ROBO2: variants seen among roughly 807,000 people sequenced by gnomAD.
ROBO2 encodes roundabout guidance receptor 2.
In ROBO2, 53 loss-of-function variants were observed where a neutral mutation model predicts 160.8. The observed-to-expected ratio is 0.33, with a 90% CI of 0.26 to 0.41. ROBO2 has a LOEUF of 0.41. Ranked by LOEUF, ROBO2 falls within the 10% of genes least tolerant of loss-of-function variation. The pLI, the probability that ROBO2 is intolerant of heterozygous loss-of-function variation, is 1.00. For missense variants in ROBO2, 1,577 were observed against 1,722.4 expected, an observed-to-expected ratio of 0.92 and a Z score of 1.49; for synonymous variants, 664 against 611.7, an observed-to-expected ratio of 1.09 and a Z score of -1.26.
At chr3:76,302,588 T>A (rs1709417367) in intron 2 of ROBO2, among the ~76,000 whole-genome samples, 2 of 152,104 alleles carry the variant, frequency 1.3e-5, no homozygotes, top group African/African-American at 4.8e-5. Context: ...CATAAAATCT[T>A]AATACCATAT....
chr3:76,019,947 T>C (rs2066524501), intron 2 of ROBO2, among the ~76,000 whole-genome samples: 1 of 151,878 alleles, frequency 6.6e-6, no homozygotes, highest in South Asian at 2.1e-4. Flanking sequence ...TTCCTTGGAA[T>C]TGGCTAATAT....
chr3:77,494,875 A>G (rs2086592867), intron 5 of ROBO2, among the ~76,000 whole-genome samples: 1 of 152,240 alleles, frequency 6.6e-6, no homozygotes, highest in African/African-American at 2.4e-5. Context: ...GAATAAAACA[A>G]GTGAAAACAT....
intron 2 of ROBO2, among the ~76,000 whole-genome samples, chr3:76,969,635 T>G (rs2059474625): frequency 6.6e-6 from 1 of 152,216 alleles, no homozygotes; most frequent in African/African-American, 2.4e-5. Flanking sequence ...TCTCTCTTGA[T>G]TTCTACCCCT....
intron 21 of ROBO2, among the ~76,000 whole-genome samples, chr3:77,610,607 A>G (rs1182190984): frequency 1.3e-5 from 2 of 152,066 alleles, no homozygotes; most frequent in Non-Finnish European, 2.9e-5. Flanking sequence ...AAATAAGGAC[A>G]AAGATAGCAA....
rs1234156246 is a variant in ROBO2, at chr3:76,273,114, CATATAAATATATAT to C, written c.109+335518_109+335531del. On this transcript the variant is annotated intron_variant, in intron 2 of 26. Coordinates refer to the ROBO2 transcript ENST00000487694. ...AAATACACACACATATACACACACA[CATATAAATATATAT>C]ATATATATATATATATATACACATT... Among the ~76,000 whole-genome samples the C allele has an allele frequency of 9.5e-4, 101 of 106,680 alleles. 2 individuals are homozygous for C. The highest frequency in any genetic ancestry group is 3.4e-3 in the African/African-American group (79 of 22,952). 70.0% of individuals were successfully genotyped at this position (106,680 alleles called of 152,430 possible). A position where few individuals can be genotyped will look rare whatever the true frequency, so the allele number is the denominator to read the frequency against.
intron 2 of ROBO2, among the ~76,000 whole-genome samples, chr3:77,166,047 C>G (rs1222333875): frequency 6.6e-6 from 1 of 152,078 alleles, no homozygotes; most frequent in East Asian, 1.9e-4. Context: ...CATAAGTACT[C>G]CAGCATGTAT....
chr3:77,309,365 G>A (rs1477494813), intron 2 of ROBO2, among the ~76,000 whole-genome samples: 1 of 152,164 alleles, frequency 6.6e-6, no homozygotes, highest in African/African-American at 2.4e-5. Context: ...ATTACAAGAA[G>A]AAATGGGAAA....
intron 2 of ROBO2, among the ~76,000 whole-genome samples, chr3:77,115,138 G>A (rs1270394133): frequency 6.6e-6 from 1 of 152,008 alleles, no homozygotes; most frequent in Non-Finnish European, 1.5e-5. Context: ...CTTCCATTGT[G>A]TTTTAATTTC....
intron 2 of ROBO2, among the ~76,000 whole-genome samples, chr3:76,307,838 TA>T (rs2071398040): frequency 6.6e-6 from 1 of 152,138 alleles, no homozygotes; most frequent in South Asian, 2.1e-4. Context: ...CTAAAGCACT[TA>T]AAACCTCACA....
chr3:76,825,810 C>A (rs1382615067), intron 2 of ROBO2, among the ~76,000 whole-genome samples: 1 of 151,894 alleles, frequency 6.6e-6, no homozygotes, highest in Non-Finnish European at 1.5e-5. Context: ...TACTCACACG[C>A]ATATGGACAT....
intron 2 of ROBO2, among the ~76,000 whole-genome samples, chr3:76,534,705 C>G (rs2082400480): frequency 6.6e-6 from 1 of 152,056 alleles, no homozygotes; most frequent in African/African-American, 2.4e-5. Flanking sequence ...TCAACCCAAA[C>G]CAGGAGATAC....
intron 2 of ROBO2, among the ~76,000 whole-genome samples, chr3:76,140,418 T>G (rs1279751339): frequency 6.6e-6 from 1 of 152,076 alleles, no homozygotes; most frequent in Admixed American, 6.6e-5. Context: ...GCCTTATTTT[T>G]ATTAACTGAT....
At chr3:76,634,564 T>C (rs1299408376) in intron 2 of ROBO2, among the ~76,000 whole-genome samples, 1 of 124,820 alleles carries the variant, frequency 8.0e-6, no homozygotes, top group African/African-American at 2.9e-5. Flanking sequence ...TGAGACTTCG[T>C]CTCAAAGAGA....
chr3:76,398,538 G>A (rs896689915), intron 2 of ROBO2, among the ~76,000 whole-genome samples: 1 of 151,550 alleles, frequency 6.6e-6, no homozygotes, highest in Non-Finnish European at 1.5e-5. Flanking sequence ...ATCTTCCCCT[G>A]GCAATTTTAC....
rs916539525 is a variant in ROBO2 at position 77,427,874 on chromosome 3, A to G, written c.389-49540A>G. On this transcript the variant is annotated intron_variant, in intron 2 of 25. Transcript: ENST00000461745. ...TTAATAGGGAGAGATAATTTTGACT[A>G]TTCAGCTTGCATTGATCCTTGATAT... 2.0e-5 allele frequency among the ~76,000 whole-genome samples: 3 copies of G among 152,216 alleles called. No homozygotes were observed. In the East Asian group the frequency reaches 5.8e-4, roughly 29 times the overall value.
chr3:76,570,464 A>G (rs1310311699), intron 2 of ROBO2, among the ~76,000 whole-genome samples: 2 of 152,248 alleles, frequency 1.3e-5, no homozygotes, highest in Admixed American at 1.3e-4. Flanking sequence ...AAATAACTCA[A>G]TTATCAAATA....
At chr3:77,204,042 T>C (rs2083176015) in intron 2 of ROBO2, among the ~76,000 whole-genome samples, 1 of 152,160 alleles carries the variant, frequency 6.6e-6, no homozygotes, top group African/African-American at 2.4e-5. Flanking sequence ...GAACACAACT[T>C]ACAGAGGAGA....
intron 13 of ROBO2, 132 bp downstream of exon 14, chr3:77,568,566 A>G: frequency 9.7e-7 from 1 of 1,030,688 alleles, no homozygotes; most frequent in Non-Finnish European, 1.5e-6. Context: ...CAATGATAGT[A>G]AAGAAAATCA....
intron 1 of ROBO2, among the ~76,000 whole-genome samples, chr3:77,068,125 G>A (rs954533802): frequency 6.6e-6 from 1 of 151,974 alleles, no homozygotes; most frequent in Non-Finnish European, 1.5e-5. Context: ...TTCTGTCATT[G>A]TTTTCATAAA....
Sources: allele counts gnomAD v4.1 joint callset (sites outside exome capture counted in the v4.1 genomes callset), GRCh38; gene constraint gnomAD v4.1.1; transcripts MANE v1.5; gene names NCBI Gene and HGNC (gene_info 2026-07-23, HGNC 2026-07-21).